The following HSD3B2 variants were observed in gnomAD, a reference collection of about 807,000 sequenced individuals.
The protein encoded by HSD3B2 is 3 beta-hydroxysteroid dehydrogenase/Delta 5-->4-isomerase type 2.
Under a neutral mutation model 9.9 loss-of-function variants are expected in HSD3B2, and 8 were observed. That is an observed-to-expected ratio of 0.81 (90% CI 0.47 to 1.46). HSD3B2 has a LOEUF of 1.46. Ranked by LOEUF, HSD3B2 falls within the 40% of genes most tolerant of loss-of-function variation. The pLI, the probability that HSD3B2 is intolerant of heterozygous loss-of-function variation, is 0.00. For missense variants in HSD3B2, 410 were observed against 448.3 expected, an observed-to-expected ratio of 0.91 and a Z score of 0.77; for synonymous variants, 221 against 184.5, an observed-to-expected ratio of 1.20 and a Z score of -1.60.
chr1:119,419,648 AG>A (rs1414172475), intron 3 of HSD3B2, 66 bp downstream of exon 3: 2 of 1,484,262 alleles, frequency 1.3e-6, no homozygotes, highest in Non-Finnish European at 1.9e-6. Flanking sequence ...AGGACAAGAA[AG>A]GGAAGAGAAG....
chr1:119,421,446 TATATATG>T (rs1651864172), intron 3 of HSD3B2, among the ~76,000 whole-genome samples: 1 of 11,714 alleles, frequency 8.5e-5, no homozygotes, highest in African/African-American at 5.0e-4. Context: ...TATATGTATA[TATATATG>T]TATATATATA....
At chr1:119,415,085 T>G (rs1570816240), upstream of HSD3B2, 2 of 351,128 alleles carry the variant, frequency 5.7e-6, no homozygotes, top group East Asian at 6.2e-5. Context: ...GTGGCAGGAG[T>G]TCAAGGTAAT....
Position 119,422,050 on chromosome 1 carries a change from G to A in HSD3B2, c.549G>A (p.Ala183=), listed in dbSNP as rs33932258. Residue 183 remains alanine, a synonymous_variant, in exon 4 of 4, where the codon GCG becomes GCA. Coordinates refer to ENST00000369416, the MANE Select transcript of HSD3B2 (RefSeq NM_000198.4). ...LKNGDTLYTC[A]LRPTYIYGEG... ...ATGGTGATACCTTGTACACTTGTGC[G>A]TTAAGACCCACATATATCTATGGGG... 1.3e-4 allele frequency: 207 copies of A among 1,614,102 alleles called. 1 individual carries two copies. The highest frequency in any genetic ancestry group is 1.6e-4 in the Middle Eastern group (1 of 6,062).
At chr1:119,416,705 A>C (rs1651722837) in intron 2 of HSD3B2, among the ~76,000 whole-genome samples, 4 of 152,184 alleles carry the variant, frequency 2.6e-5, no homozygotes, top group Non-Finnish European at 2.9e-5. Context: ...CCCTGTTCAC[A>C]CAGAAGCTCC....
rs1330107161 is a variant in HSD3B2 at position 119,422,807 on chromosome 1, C to G, written c.*187C>G. ...TGCACAGTCACTGGCCCAACCAGAA[C>G]TTTCTGTCCTAATCATACACCAGAA... On this transcript the variant is annotated 3_prime_UTR_variant, in exon 4 of 4. Coordinates refer to ENST00000369416, the MANE Select transcript of HSD3B2 (RefSeq NM_000198.4). The G allele has an allele frequency of 4.3e-6, 3 of 690,726 alleles. No individual in the cohort carries two copies. The highest frequency in any genetic ancestry group is 7.6e-6 in the Non-Finnish European group (3 of 396,874). 42.8% of individuals were successfully genotyped at this position (690,726 alleles called of 1,614,324 possible). A position where few individuals can be genotyped will look rare whatever the true frequency, so the allele number is the denominator to read the frequency against.
intron 2 of HSD3B2, among the ~76,000 whole-genome samples, chr1:119,416,517 A>G (rs967923187): frequency 2.0e-5 from 3 of 152,230 alleles, no homozygotes; most frequent in Non-Finnish European, 4.4e-5. Context: ...AGCTCAGACC[A>G]GAGCTTCATT....
Position 119,421,964 on chromosome 1 carries a change from C to T in HSD3B2, c.463C>T (p.Pro155Ser). Residue 155 changes from proline to serine, a missense_variant, in exon 4 of 4, where the codon CCG (proline) becomes TCG (serine). Pro to Ser is a moderately conservative substitution (Grantham distance 74, BLOSUM62 -1). Coordinates refer to ENST00000369416, the MANE Select transcript of HSD3B2 (RefSeq NM_000198.4). Reference protein sequence around the residue: ...PLENTWPTPYPYSKKLAEKAV... With the variant: ...PLENTWPTPYSYSKKLAEKAV... ...GGAAAACACATGGCCCACTCCATAC[C>T]CGTACAGCAAAAAGCTTGCTGAGAA... 6.2e-7 allele frequency: 1 copy of T among 1,614,068 alleles called. No homozygotes were observed. Among genetic ancestry groups the T allele is most frequent in the East Asian group, 2.2e-5 (1 of 44,850 alleles).
At chr1:119,421,405 A>C (rs184865541) in intron 3 of HSD3B2, among the ~76,000 whole-genome samples, 7 of 59,468 alleles carry the variant, frequency 1.2e-4, no homozygotes, top group Non-Finnish European at 2.3e-4. Flanking sequence ...ATATATATGT[A>C]TATATATATA....
intron 3 of HSD3B2, 143 bp downstream of exon 3, chr1:119,419,725 G>A: frequency 2.5e-6 from 2 of 807,938 alleles, no homozygotes; most frequent in Non-Finnish European, 4.1e-6. Context: ...TGACTGGGGA[G>A]TTCAAGGCTG....
intron 3 of HSD3B2, among the ~76,000 whole-genome samples, chr1:119,421,453 GTATATATATATGTATATATATA>G (rs1557869531): frequency 2.3e-4 from 4 of 17,320 alleles, no homozygotes; most frequent in African/African-American, 2.9e-4. Flanking sequence ...ATATATATAT[GTATATATATATGTATATATATA>G]TGTATATATA....
In HSD3B2 at chr1:119,422,114, C is replaced by T. The variant is rs138811555; in HGVS notation, c.613C>T (p.Leu205=). 389 of 1,614,092 alleles carry T rather than the reference C, an allele frequency of 2.4e-4. No individual in the cohort carries two copies. The highest frequency in any genetic ancestry group is 1.4e-3 in the Admixed American group (83 of 60,016). ...CCTTTCTGCCAGTATAAATGAGGCC[C>T]TGAACAACAATGGGATCCTGTCAAG... The part of the protein sequence containing the change: ...PFLSASINEA[L]NNNGILSSVG... The change falls in exon 4 of 4, where the codon CTG becomes TTG. Residue 205 remains leucine (L), a synonymous_variant. Transcript: ENST00000369416.
chr1:119,417,285 GA>G (rs1276437601), intron 2 of HSD3B2: 23 of 152,196 alleles, frequency 1.5e-4, no homozygotes, highest in Non-Finnish European at 2.6e-4. Context: ...TAGTCTACAT[GA>G]AACACTTGCC....
chr1:119,418,905 A>G (rs1651783733), intron 2 of HSD3B2, among the ~76,000 whole-genome samples: 3 of 152,044 alleles, frequency 2.0e-5, no homozygotes, highest in Non-Finnish European at 4.4e-5. Context: ...ACCACCTCAG[A>G]GTCCCAAAGA....
chr1:119,416,031 G>A (rs1651697514), intron 2 of HSD3B2, among the ~76,000 whole-genome samples: 1 of 152,094 alleles, frequency 6.6e-6, no homozygotes, highest in South Asian at 2.1e-4. Flanking sequence ...GGAAGTGAAG[G>A]TACGGATGTG....
At position 119,422,749 on chromosome 1, in the gene HSD3B2, C is replaced by G; in HGVS notation, c.*129C>G. Reference sequence around the variant, plus strand: ...CTGCTGCCTCTCTTTCACACAATGCCCAACTTACTGTCTTCTTCATGTCAT... The same window carrying G: ...CTGCTGCCTCTCTTTCACACAATGCGCAACTTACTGTCTTCTTCATGTCAT... On this transcript the variant is annotated 3_prime_UTR_variant, in exon 4 of 4. Coordinates refer to ENST00000369416, the MANE Select transcript of HSD3B2 (RefSeq NM_000198.4). The G allele has an allele frequency of 1.8e-6, 2 of 1,081,376 alleles. No homozygotes were observed. The highest frequency in any genetic ancestry group is 2.8e-6 in the Non-Finnish European group (2 of 723,680). 67.0% of individuals were successfully genotyped at this position (1,081,376 alleles called of 1,614,324 possible). A position where few individuals can be genotyped will look rare whatever the true frequency, so the allele number is the denominator to read the frequency against.
At chr1:119,415,698 G>C (rs587629644) in intron 2 of HSD3B2, 137 bp downstream of exon 2, 1 of 942,452 alleles carries the variant, frequency 1.1e-6, no homozygotes, top group Non-Finnish European at 1.7e-6. Context: ...CATCAGAAAG[G>C]AAATAGAATA....
At chr1:119,417,437 C>G (rs780135788) in intron 2 of HSD3B2, 1 of 152,190 alleles carries the variant, frequency 6.6e-6, no homozygotes, top group Non-Finnish European at 1.5e-5. Context: ...AATGGCAATT[C>G]CTTTGAGCCA....
At chr1:119,415,073 A>G (rs763262861), upstream of HSD3B2, 2 of 347,508 alleles carry the variant, frequency 5.8e-6, no homozygotes, top group Non-Finnish European at 1.1e-5. Flanking sequence ...AGCAATGAGT[A>G]TGTGGCAGGA....
chr1:119,422,067 T>C lies in HSD3B2; in HGVS notation c.566T>C (p.Ile189Thr). Reference sequence around the variant, plus strand: ...ACTTGTGCGTTAAGACCCACATATATCTATGGGGAAGGAGGCCCATTCCTT... The same window carrying C: ...ACTTGTGCGTTAAGACCCACATATACCTATGGGGAAGGAGGCCCATTCCTT... ...LYTCALRPTYIYGEGGPFLSA... is the reference protein window; with the variant it reads ...LYTCALRPTYTYGEGGPFLSA... Residue 189 changes from isoleucine to threonine, a missense_variant, in exon 4 of 4, where the codon ATC (isoleucine) becomes ACC (threonine). By Grantham distance (89) the Ile-to-Thr change is moderately conservative. Transcript: ENST00000369416. 6.2e-7 allele frequency: 1 copy of C among 1,614,052 alleles called. No individual in the cohort carries two copies. Among genetic ancestry groups the C allele is most frequent in the South Asian group, 1.1e-5 (1 of 91,072 alleles).
Sources: gnomAD v4.1 joint callset for allele counts (sites outside exome capture counted in the v4.1 genomes callset) on GRCh38, gnomAD v4.1.1 for gene constraint, MANE v1.5 for transcripts, NCBI Gene and HGNC (gene_info 2026-07-23, HGNC 2026-07-21) for gene names.